SOCS6: variants seen among roughly 807,000 people sequenced by gnomAD.
SOCS6 encodes suppressor of cytokine signaling 6.
A neutral mutation model predicts 27.7 loss-of-function variants in SOCS6; 5 were observed. The observed-to-expected ratio is 0.18, with a 90% CI of 0.09 to 0.38. The LOEUF (loss-of-function observed/expected upper bound fraction) is 0.38. SOCS6 is among the 10% of genes least tolerant of loss of function. SOCS6 has a pLI of 1.00. For missense variants in SOCS6, 595 were observed against 688.1 expected, an observed-to-expected ratio of 0.86 and a Z score of 1.51; for synonymous variants, 271 against 260.0, an observed-to-expected ratio of 1.04 and a Z score of -0.41.
chr18:70,293,626 T>TTTTCTAA (rs2062309904), intron 1 of SOCS6, among the ~76,000 whole-genome samples: 1 of 152,168 alleles, frequency 6.6e-6, no homozygotes. Context: ...AGCCAGAGAC[T>TTTTCTAA]TAGAAGCCCT....
chr18:70,320,812 C>T (rs1182956997), intron 1 of SOCS6, among the ~76,000 whole-genome samples: 1 of 152,142 alleles, frequency 6.6e-6, no homozygotes, highest in Non-Finnish European at 1.5e-5. Context: ...GGCTACTGTA[C>T]TGTAACAGAT....
chr18:70,318,449 A>G (rs1238087938), intron 1 of SOCS6, among the ~76,000 whole-genome samples: 2 of 152,160 alleles, frequency 1.3e-5, no homozygotes. Context: ...TCCTGATCTC[A>G]AGTAGAACAC....
chr18:70,290,391 A>C (rs1332439082), intron 1 of SOCS6, among the ~76,000 whole-genome samples: 1 of 152,228 alleles, frequency 6.6e-6, no homozygotes, highest in African/African-American at 2.4e-5. Context: ...ACGAATCTTA[A>C]TTGTAATATT....
At chr18:70,293,181 T>C (rs2062307768) in intron 1 of SOCS6, among the ~76,000 whole-genome samples, 2 of 152,118 alleles carry the variant, frequency 1.3e-5, no homozygotes, top group Non-Finnish European at 2.9e-5. Flanking sequence ...GCGGTTTTCA[T>C]GTTGTTATCT....
chr18:70,320,283 T>C (rs1910934290), intron 1 of SOCS6, among the ~76,000 whole-genome samples: 1 of 152,166 alleles, frequency 6.6e-6, no homozygotes, highest in Non-Finnish European at 1.5e-5. Context: ...CCAATGGGTT[T>C]GAATGTTATA....
chr18:70,323,036 G>A (rs190067185), intron 1 of SOCS6, among the ~76,000 whole-genome samples: 49 of 152,308 alleles, frequency 3.2e-4, no homozygotes, highest in African/African-American at 1.1e-3. Context: ...GCCACACAGG[G>A]CTGAGCCAAG....
At chr18:70,290,815 A>C (rs1442639317) in intron 1 of SOCS6, among the ~76,000 whole-genome samples, 1 of 151,958 alleles carries the variant, frequency 6.6e-6, no homozygotes, top group Non-Finnish European at 1.5e-5. Context: ...TCTTACCTTT[A>C]TCGTTATCTT....
intron 1 of SOCS6, among the ~76,000 whole-genome samples, chr18:70,309,791 C>G (rs1238967849): frequency 6.6e-6 from 1 of 152,110 alleles, no homozygotes; most frequent in African/African-American, 2.4e-5. Context: ...TCAAGTGATT[C>G]TCCTACCTTG....
intron 1 of SOCS6, among the ~76,000 whole-genome samples, chr18:70,291,682 A>C (rs555497813): frequency 1.4e-4 from 21 of 152,142 alleles, no homozygotes; most frequent in Non-Finnish European, 2.8e-4. Flanking sequence ...AGATATTTTC[A>C]ATTTATCATG....
At chr18:70,295,823 C>G (rs2062320326) in intron 1 of SOCS6, among the ~76,000 whole-genome samples, 1 of 152,180 alleles carries the variant, frequency 6.6e-6, no homozygotes, top group Non-Finnish European at 1.5e-5. Context: ...GTCATCTGCC[C>G]AGAGTCACAC....
chr18:70,299,037 G>A (rs1266525407), intron 1 of SOCS6, among the ~76,000 whole-genome samples: 2 of 152,126 alleles, frequency 1.3e-5, no homozygotes, highest in East Asian at 1.9e-4. Context: ...AAGGAGAATC[G>A]CTTGAACCCG....
chr18:70,293,935 A>T (rs1461543919), intron 1 of SOCS6, among the ~76,000 whole-genome samples: 1 of 152,068 alleles, frequency 6.6e-6, no homozygotes, highest in African/African-American at 2.4e-5. Flanking sequence ...TACTAAAAAT[A>T]CAAAAATTAG....
In SOCS6 at chr18:70,322,740, C is replaced by T. The variant is rs74258320; in HGVS notation, c.-126-1803C>T. Among the ~76,000 whole-genome samples, 12 of 152,304 alleles carry T rather than the reference C, an allele frequency of 7.9e-5. No individual in the cohort carries two copies. The East Asian group carries it at 2.1e-3, about 27-fold the overall frequency. On this transcript the variant is annotated intron_variant, in intron 1 of 1. Transcript: ENST00000397942. Reference sequence around the variant, plus strand: ...ACTTATTCAGAAACATAGTACATGACAGTAGACTTTTAAAAATTGCTTCTT... The same window carrying T: ...ACTTATTCAGAAACATAGTACATGATAGTAGACTTTTAAAAATTGCTTCTT...
chr18:70,325,117 A>G lies in SOCS6; in HGVS notation c.449A>G (p.Lys150Arg), dbSNP rs745466978. 3.7e-6 allele frequency: 6 copies of G among 1,614,044 alleles called. No homozygotes were observed. In the Admixed American group the frequency reaches 6.7e-5, roughly 18 times the overall value. The change falls in exon 2 of 2, where the codon AAG becomes AGG. Residue 150 changes from lysine (K) to arginine (R), a missense_variant. By Grantham distance (26) the Lys-to-Arg change is conservative. Coordinates refer to ENST00000397942, the MANE Select transcript of SOCS6 (RefSeq NM_004232.4). The surrounding 1 kb of genome is among the most constrained non-coding windows in gnomAD (Gnocchi z 6.3). ...ACAAACTCCGAGGAGACCTGCATCA[A>G]GATGGAGGTGAGAGTCAAGGCCTTG... ...RPTNSEETCI[K>R]MEVRVKALVH...
chr18:70,316,030 A>G (rs890379337), intron 1 of SOCS6, among the ~76,000 whole-genome samples: 1 of 151,922 alleles, frequency 6.6e-6, no homozygotes, highest in Admixed American at 6.6e-5. Context: ...TTTTATTTTT[A>G]GTAGAGACAG....
chr18:70,321,125 T>C (rs1020363121), intron 1 of SOCS6, among the ~76,000 whole-genome samples: 1 of 151,476 alleles, frequency 6.6e-6, no homozygotes, highest in Non-Finnish European at 1.5e-5. Context: ...GTAGACAAAA[T>C]TAGCCAGGCG....
intron 1 of SOCS6, among the ~76,000 whole-genome samples, chr18:70,317,581 A>ACACACT: frequency 6.7e-6 from 1 of 149,704 alleles, no homozygotes; most frequent in Non-Finnish European, 1.5e-5. Context: ...ACACACACAC[A>ACACACT]CCACATTTTC....
intron 1 of SOCS6, among the ~76,000 whole-genome samples, chr18:70,289,463 C>T (rs569994783): frequency 6.8e-6 from 1 of 147,362 alleles, no homozygotes; most frequent in Non-Finnish European, 1.5e-5. Flanking sequence ...CGCGGCGCGC[C>T]GGCCTGGGCC....
intron 1 of SOCS6, among the ~76,000 whole-genome samples, chr18:70,296,385 G>A (rs1470344147): frequency 6.6e-6 from 1 of 152,162 alleles, no homozygotes; most frequent in African/African-American, 2.4e-5. Context: ...TGTGGACGCC[G>A]CCTCCCTTGG....
Sources: gnomAD v4.1 joint callset for allele counts (sites outside exome capture counted in the v4.1 genomes callset) on GRCh38, gnomAD v4.1.1 for gene constraint, Gnocchi (gnomAD v3.1) non-coding constraint, MANE v1.5 for transcripts, NCBI Gene and HGNC (gene_info 2026-07-23, HGNC 2026-07-21) for gene names.